Variants in NSD3 observed in about 807,000 individuals in gnomAD.
NSD3 encodes the protein nuclear receptor binding SET domain protein 3.
NSD3 carries 24 observed loss-of-function variants against 160.8 expected under a neutral mutation model. That is an observed-to-expected ratio of 0.15 (90% CI 0.11 to 0.21). The LOEUF is 0.21. Ranked by LOEUF, NSD3 falls within the 10% of genes least tolerant of loss-of-function variation. The probability of loss-of-function intolerance (pLI) is 1.00; values close to 1 mark genes in which losing one functional copy is unlikely to be tolerated. For missense variants in NSD3, 1,157 were observed against 1,735.9 expected, an observed-to-expected ratio of 0.67 and a Z score of 5.93; for synonymous variants, 520 against 600.0, an observed-to-expected ratio of 0.87 and a Z score of 1.95.
At chr8:38,366,702 G>A (rs971246268) in intron 1 of NSD3, among the ~76,000 whole-genome samples, 4 of 151,950 alleles carry the variant, frequency 2.6e-5, no homozygotes, top group Admixed American at 6.6e-5. Flanking sequence ...GTGAGCCAAC[G>A]TGCCCAGCCT....
chr8:38,374,302 C>G (rs1057128817), intron 1 of NSD3, among the ~76,000 whole-genome samples: 1 of 151,814 alleles, frequency 6.6e-6, no homozygotes, highest in African/African-American at 2.4e-5. Context: ...ATAAATAAAT[C>G]TATATATCTT....
chr8:38,347,644 A>C lies in NSD3; in HGVS notation c.528T>G (p.Leu176=), dbSNP rs1160836647. 1.2e-6 allele frequency: 2 copies of C among 1,613,740 alleles called. No homozygotes were observed. Among genetic ancestry groups the C allele is most frequent in the South Asian group, 2.2e-5 (2 of 91,080 alleles). Residue 176 remains leucine (L), a synonymous_variant, in exon 2 of 24, where the codon CTT becomes CTG. Coordinates refer to ENST00000317025, the MANE Select transcript of NSD3 (RefSeq NM_023034.2). Reference sequence around the variant, plus strand: ...GCTCACTTGCCTGTACTTCATTTAAAAGGTCTCCACAAAGGGAAGACTCAA... The same window carrying C: ...GCTCACTTGCCTGTACTTCATTTAACAGGTCTCCACAAAGGGAAGACTCAA... ...ELFESSLCGD[L]LNEVQASEHT... is the part of the protein sequence containing the mutation.
intron 21 of NSD3, among the ~76,000 whole-genome samples, chr8:38,278,675 A>G (rs1808669167): frequency 6.6e-6 from 1 of 152,244 alleles, no homozygotes; most frequent in East Asian, 1.9e-4. Flanking sequence ...CCAAAGTGAT[A>G]GGGTCTAAGA....
In NSD3 at chr8:38,290,458, A is replaced by C; in HGVS notation, c.3118+17T>G. ...GGAGTTGTAGTTTTGAGTCACTGTA[A>C]ACATCATCCAGCTTACCCTTTTTGA... On this transcript the variant is annotated intron_variant, in intron 17 of 23. Coordinates refer to ENST00000317025, the MANE Select transcript of NSD3 (RefSeq NM_023034.2). The C allele has an allele frequency of 6.2e-7, 1 of 1,613,870 alleles. No homozygotes were observed. The highest frequency in any genetic ancestry group is 8.5e-7 in the Non-Finnish European group (1 of 1,179,848).
intron 12 of NSD3, among the ~76,000 whole-genome samples, chr8:38,311,048 G>T (rs1809523491): frequency 7.1e-6 from 1 of 141,340 alleles, no homozygotes; most frequent in African/African-American, 2.6e-5. Flanking sequence ...GCATCTCATT[G>T]TGGCTTTGAT....
intron 1 of NSD3, among the ~76,000 whole-genome samples, chr8:38,356,793 C>G (rs1220357139): frequency 1.3e-5 from 2 of 151,898 alleles, no homozygotes; most frequent in African/African-American, 4.8e-5. Flanking sequence ...AGTCTCTTCT[C>G]AATAATAGAA....
chr8:38,350,227 T>C (rs1285808746), intron 1 of NSD3, among the ~76,000 whole-genome samples: 1 of 152,152 alleles, frequency 6.6e-6, no homozygotes, highest in African/African-American at 2.4e-5. Context: ...GGTCAAATGG[T>C]ATTTCTAGTT....
intron 3 of NSD3, 45 bp from the exon 4 acceptor site, chr8:38,337,512 A>G (rs1810251181): frequency 6.7e-7 from 1 of 1,492,838 alleles, no homozygotes; most frequent in South Asian, 1.4e-5. Flanking sequence ...TCAAAAAAAG[A>G]AACTATGTAT....
chr8:38,365,773 C>G (rs1811091712), intron 1 of NSD3, among the ~76,000 whole-genome samples: 1 of 151,888 alleles, frequency 6.6e-6, no homozygotes, highest in African/African-American at 2.4e-5. Flanking sequence ...ACTAATGAAA[C>G]CAAAACCAGG....
chr8:38,314,650 T>G lies in NSD3; in HGVS notation c.2239A>C (p.Thr747Pro). ...CTATCGAAATAAGTCATCTTACCAG[T>G]TTTACATTCCATGCAGATGAACTTG... ...DSKFICMECK[T>P]GQHPCFSCKV... Residue 747 changes from threonine to proline, a missense_variant, in exon 12 of 24, where the codon ACT becomes CCT. Coordinates refer to ENST00000317025, the MANE Select transcript of NSD3 (RefSeq NM_023034.2). 6.2e-7 allele frequency: 1 copy of G among 1,614,112 alleles called. No homozygotes were observed. Among genetic ancestry groups the G allele is most frequent in the Non-Finnish European group, 8.5e-7 (1 of 1,180,010 alleles).
rs373484177 is a variant in NSD3 at position 38,317,761 on chromosome 8, G to GA, written c.1855+1133dup. On this transcript the variant is annotated intron_variant, in intron 9 of 23. Transcript: ENST00000317025. This position sits in a 1 kb window ranked among gnomAD's most constrained non-coding sequence, Gnocchi z 5.3. ...AAGCTGTACCCATCCAGCTCAAACCGAAAAAAAAAAATCATTTGACTGTTA... is the reference window on the plus strand; with the variant it reads ...AAGCTGTACCCATCCAGCTCAAACCGAAAAAAAAAAAATCATTTGACTGTTA... 0.013 allele frequency: 14,583 copies of GA among 1,161,368 alleles called. 6 individuals carry two copies. Among genetic ancestry groups the GA allele is most frequent in the Admixed American group, 0.018 (498 of 27,978 alleles). The allele number at this position is 1,161,368 out of a possible 1,614,324, so 71.9% of individuals were successfully genotyped here.
intron 12 of NSD3, 59 bp downstream of exon 12, chr8:38,314,588 G>A (rs761886213): frequency 3.7e-6 from 6 of 1,607,402 alleles, no homozygotes; most frequent in Non-Finnish European, 5.1e-6. Flanking sequence ...GGTTGTCAGT[G>A]CACATTCCTG....
At chr8:38,349,557 G>A (rs1319889895) in intron 1 of NSD3, among the ~76,000 whole-genome samples, 1 of 150,856 alleles carries the variant, frequency 6.6e-6, no homozygotes, top group African/African-American at 2.4e-5. Flanking sequence ...TTGAGATACT[G>A]TAAAATTGTT....
chr8:38,369,161 T>G (rs541894921), intron 1 of NSD3, among the ~76,000 whole-genome samples: 2 of 151,734 alleles, frequency 1.3e-5, no homozygotes, highest in South Asian at 4.2e-4. Context: ...TTTATCGCTT[T>G]AGTATTTTAG....
rs144455692 is a variant in NSD3, at chr8:38,288,398, G to C, written c.3501+89C>G. ...TAACATTTTACCACAAATTCCTGCT[G>C]ATTTTATCCCTAGAACTATACCCTA... On this transcript the variant is annotated intron_variant, in intron 19 of 23. Transcript: ENST00000317025. The surrounding 1 kb of genome is among the most constrained non-coding windows in gnomAD (Gnocchi z 4.5). 1.7e-5 allele frequency: 25 copies of C among 1,497,808 alleles called. 1 individual carries two copies. The African/African-American group carries it at 2.9e-4, about 18-fold the overall frequency. 92.8% of individuals were successfully genotyped at this position (1,497,808 alleles called of 1,614,324 possible).
In NSD3 at chr8:38,314,660, C is replaced by T; in HGVS notation, c.2229G>A (p.Met743Ile). 4 of 1,614,152 alleles carry T rather than the reference C, an allele frequency of 2.5e-6. No homozygotes were observed. The highest frequency in any genetic ancestry group is 3.4e-6 in the Non-Finnish European group (4 of 1,180,016). ...AAGTCATCTTACCAGTTTTACATTC[C>T]ATGCAGATGAACTTGCTATCAGGAA... ...ASLPDSKFICMECKTGQHPCF... is the reference protein window; with the variant it reads ...ASLPDSKFICIECKTGQHPCF... The change falls in exon 12 of 24, where the codon ATG becomes ATA. Residue 743 changes from methionine to isoleucine, a missense_variant. Met to Ile is a conservative substitution (Grantham distance 10). This residue lies in a region of NSD3 where 437 missense variants were observed against 576.6 expected (regional missense o/e 0.76). Coordinates refer to ENST00000317025, the MANE Select transcript of NSD3 (RefSeq NM_023034.2).
chr8:38,326,990 A>G (rs1460095378), intron 6 of NSD3, 134 bp from the exon 7 acceptor site: 4 of 923,012 alleles, frequency 4.3e-6, no homozygotes, highest in Non-Finnish European at 6.2e-6. Context: ...CAATTAAGTT[A>G]TCTTAGCCTT....
chr8:38,343,548 C>T (rs1810433203), intron 2 of NSD3, among the ~76,000 whole-genome samples: 1 of 151,890 alleles, frequency 6.6e-6, no homozygotes, highest in Admixed American at 6.6e-5. Context: ...ACTAAAAATA[C>T]AAAAACTAGC....
At chr8:38,344,389 G>A (rs552359711) in intron 2 of NSD3, among the ~76,000 whole-genome samples, 82 of 152,056 alleles carry the variant, frequency 5.4e-4, no homozygotes, top group African/African-American at 1.7e-3. Context: ...CCTGTGCCTC[G>A]GCCTCCCGAA....
Sources: gnomAD v4.1 joint callset for allele counts (sites outside exome capture counted in the v4.1 genomes callset) on GRCh38, gnomAD v4.1.1 for gene constraint, gnomAD v4.1.1 regional missense constraint, Gnocchi (gnomAD v3.1) non-coding constraint, MANE v1.5 for transcripts, NCBI Gene and HGNC (gene_info 2026-07-23, HGNC 2026-07-21) for gene names.